IPMK: variants seen among roughly 807,000 people sequenced by gnomAD.
The protein encoded by IPMK is inositol polyphosphate multikinase.
A neutral mutation model predicts 45.8 loss-of-function variants in IPMK; 17 were observed. That is an observed-to-expected ratio of 0.37 (90% CI 0.25 to 0.56). The LOEUF is 0.56. Among genes scored for constraint, IPMK ranks in the 20% least tolerant of loss-of-function variants. The pLI, the probability that IPMK is intolerant of heterozygous loss-of-function variation, is 0.79. For synonymous variants in IPMK, 180 were observed against 184.3 expected, an observed-to-expected ratio of 0.98 and a Z score of 0.19; for missense variants, 399 against 498.0, an observed-to-expected ratio of 0.80 and a Z score of 1.89.
At chr10:58,244,108 G>C (rs1437808052) in intron 1 of IPMK, among the ~76,000 whole-genome samples, 1 of 151,248 alleles carries the variant, frequency 6.6e-6, no homozygotes, top group African/African-American at 2.4e-5. Context: ...CCCCGTCTGG[G>C]AAGTGGGCGC....
Position 58,267,818 on chromosome 10 carries a change from G to A in IPMK, c.-207C>T, listed in dbSNP as rs1437424208. On this transcript the variant is annotated 5_prime_UTR_variant, in exon 1 of 6. Transcript: ENST00000373935. ...TCTGCCCAACTCTCGGCGGAACGCG[G>A]CTCCCGGCTCCTGTTCCTCTGCCGC... The A allele has an allele frequency of 4.0e-6, 2 of 505,232 alleles. No individual in the cohort carries two copies. The highest frequency in any genetic ancestry group is 2.7e-5 in the South Asian group (1 of 36,604). 31.3% of individuals were successfully genotyped at this position (505,232 alleles called of 1,614,324 possible).
intron 3 of IPMK, among the ~76,000 whole-genome samples, chr10:58,226,518 A>T (rs1246385100): frequency 1.3e-5 from 2 of 152,336 alleles, no homozygotes; most frequent in East Asian, 3.8e-4. Context: ...GTTTTGGCAA[A>T]GGCCTTCTGG....
chr10:58,200,918 GGTAT>G (rs1837986849), intron 4 of IPMK, among the ~76,000 whole-genome samples: 1 of 151,934 alleles, frequency 6.6e-6, no homozygotes, highest in South Asian at 2.1e-4. Context: ...ATAAAGTGAG[GGTAT>G]TTAGGGTATT....
intron 3 of IPMK, among the ~76,000 whole-genome samples, chr10:58,226,392 A>G (rs541723839): frequency 1.3e-5 from 2 of 152,292 alleles, no homozygotes; most frequent in African/African-American, 4.8e-5. Flanking sequence ...ACATATTTGC[A>G]TTTTAACAAG....
chr10:58,224,694 T>C (rs1838387232), intron 3 of IPMK, among the ~76,000 whole-genome samples: 1 of 152,164 alleles, frequency 6.6e-6, no homozygotes, highest in Non-Finnish European at 1.5e-5. Context: ...CTTTGGATTA[T>C]TAAAAACAGT....
chr10:58,216,734 T>G (rs749344027), intron 3 of IPMK, among the ~76,000 whole-genome samples: 1 of 152,188 alleles, frequency 6.6e-6, no homozygotes, highest in Non-Finnish European at 1.5e-5. Flanking sequence ...TAGGAATAAA[T>G]CCTTCCCACA....
intron 4 of IPMK, among the ~76,000 whole-genome samples, chr10:58,212,111 G>A (rs1365498428): frequency 6.6e-6 from 1 of 151,856 alleles, no homozygotes; most frequent in East Asian, 1.9e-4. Flanking sequence ...ATTGCTATGA[G>A]CATGGTCTCT....
At position 58,205,665 on chromosome 10, in the gene IPMK, C is replaced by T. The variant is rs575997767; in HGVS notation, c.547-6344G>A. ...ACAGAGTAATACAATTGACTTTAGA[C>T]ACTTGGAAGGAGAAGAGTGGGAAGG... On this transcript the variant is annotated intron_variant, in intron 4 of 5. Coordinates refer to ENST00000373935, the MANE Select transcript of IPMK (RefSeq NM_152230.5). 2.0e-5 allele frequency among the ~76,000 whole-genome samples: 3 copies of T among 152,154 alleles called. No homozygotes were observed. The East Asian group carries it at 5.8e-4, about 29-fold the overall frequency.
chr10:58,213,818 G>T (rs1838204299), intron 4 of IPMK, among the ~76,000 whole-genome samples: 1 of 152,240 alleles, frequency 6.6e-6, no homozygotes, highest in Admixed American at 6.5e-5. Flanking sequence ...GGAGGGTGTG[G>T]CTGGCATTGA....
chr10:58,238,436 T>C (rs780299894), intron 1 of IPMK, among the ~76,000 whole-genome samples: 1 of 152,176 alleles, frequency 6.6e-6, no homozygotes, highest in Non-Finnish European at 1.5e-5. Flanking sequence ...GAGGGAGACT[T>C]TTTATGAAGT....
intron 2 of IPMK, among the ~76,000 whole-genome samples, chr10:58,234,121 C>A (rs1188299259): frequency 2.6e-5 from 4 of 152,066 alleles, no homozygotes; most frequent in Non-Finnish European, 5.9e-5. Flanking sequence ...ATGTGAAGGA[C>A]CTCTTCAAGG....
intron 4 of IPMK, among the ~76,000 whole-genome samples, chr10:58,205,209 A>C (rs1262834367): frequency 3.9e-5 from 6 of 152,062 alleles, no homozygotes; most frequent in African/African-American, 1.2e-4. Context: ...CCTAGGTAAC[A>C]AAAAAAAGTA....
intron 1 of IPMK, among the ~76,000 whole-genome samples, chr10:58,245,674 A>G (rs1838788644): frequency 6.6e-6 from 1 of 151,950 alleles, no homozygotes; most frequent in South Asian, 2.1e-4. Flanking sequence ...AGAGTTATCT[A>G]TGACAAACCC....
intron 3 of IPMK, 35 bp from the exon 4 acceptor site, chr10:58,216,352 C>A: frequency 1.9e-6 from 2 of 1,025,926 alleles, no homozygotes; most frequent in Admixed American, 2.8e-5. Flanking sequence ...TAGTAATAGG[C>A]AAACATATTA....
chr10:58,216,879 T>G (rs1039416436), intron 3 of IPMK, among the ~76,000 whole-genome samples: 2 of 152,170 alleles, frequency 1.3e-5, no homozygotes, highest in African/African-American at 4.8e-5. Flanking sequence ...TGAGACATGG[T>G]CTTGCTTTGT....
intron 3 of IPMK, among the ~76,000 whole-genome samples, chr10:58,219,767 C>A (rs1838302031): frequency 6.6e-6 from 1 of 152,170 alleles, no homozygotes; most frequent in African/African-American, 2.4e-5. Flanking sequence ...GATAGTAAGA[C>A]TAAGTATTGT....
At chr10:58,249,109 A>G (rs1227379549) in intron 1 of IPMK, among the ~76,000 whole-genome samples, 2 of 152,190 alleles carry the variant, frequency 1.3e-5, no homozygotes, top group Non-Finnish European at 2.9e-5. Flanking sequence ...CTTCCATACT[A>G]TTTCCCAAAG....
At chr10:58,253,395 T>C (rs1220258120) in intron 1 of IPMK, among the ~76,000 whole-genome samples, 1 of 152,146 alleles carries the variant, frequency 6.6e-6, no homozygotes, top group African/African-American at 2.4e-5. Context: ...CAACTTTTGT[T>C]TGTCTGGAAA....
chr10:58,237,588 C>T (rs747257880), intron 2 of IPMK, 141 bp downstream of exon 2: 6 of 636,386 alleles, frequency 9.4e-6, no homozygotes, highest in South Asian at 3.7e-5. Flanking sequence ...AGTAAAGATA[C>T]GCACTGCTTT....
Sources: allele counts gnomAD v4.1 joint callset (sites outside exome capture counted in the v4.1 genomes callset), GRCh38; gene constraint gnomAD v4.1.1; transcripts MANE v1.5; gene names NCBI Gene and HGNC (gene_info 2026-07-23, HGNC 2026-07-21).